OGDH: variants seen among roughly 807,000 people sequenced by gnomAD.
OGDH encodes oxoglutarate dehydrogenase, also known as 2-oxoglutarate dehydrogenase complex component E1.
A neutral mutation model predicts 116.6 loss-of-function variants in OGDH; 38 were observed. That is an observed-to-expected ratio of 0.33 (90% CI 0.25 to 0.43). OGDH has a LOEUF of 0.43. OGDH is among the 20% of genes least tolerant of loss of function. The pLI, the probability that OGDH is intolerant of heterozygous loss-of-function variation, is 1.00. For missense variants in OGDH, 825 were observed against 1,357.2 expected (o/e 0.61, Z 6.16); for synonymous variants, 488 against 533.3 (o/e 0.92, Z 1.17).
At chr7:44,688,770 C>T (rs1425037321) in intron 10 of OGDH, among the ~76,000 whole-genome samples, 1 of 151,848 alleles carries the variant, frequency 6.6e-6, no homozygotes, top group Admixed American at 6.6e-5. Context: ...TTTTGTGCCA[C>T]CTACTCTCCT....
At chr7:44,619,613 A>G (rs971321735) in intron 1 of OGDH, among the ~76,000 whole-genome samples, 1 of 152,200 alleles carries the variant, frequency 6.6e-6, no homozygotes, top group African/African-American at 2.4e-5. Flanking sequence ...CTATAGATAT[A>G]ACACGTTTTG....
At chr7:44,629,597 T>TTTTTTC (rs1785348561) in intron 2 of OGDH, among the ~76,000 whole-genome samples, 2 of 142,128 alleles carry the variant, frequency 1.4e-5, no homozygotes, top group African/African-American at 5.1e-5. Context: ...TTTTTTTTTT[T>TTTTTTC]TGAGACGAGT....
intron 1 of OGDH, among the ~76,000 whole-genome samples, chr7:44,615,297 G>C (rs189353161): frequency 6.6e-5 from 10 of 152,120 alleles, no homozygotes; most frequent in South Asian, 2.1e-4. Context: ...TGCGGTGTCT[G>C]GGGGGAGGGA....
intron 4 of OGDH, among the ~76,000 whole-genome samples, chr7:44,657,963 T>C (rs1439940385): frequency 1.3e-5 from 2 of 152,244 alleles, no homozygotes; most frequent in African/African-American, 4.8e-5. Flanking sequence ...TTGGTGTGGG[T>C]CTATATCTGG....
At chr7:44,654,019 T>C (rs551013804) in intron 4 of OGDH, among the ~76,000 whole-genome samples, 2 of 152,252 alleles carry the variant, frequency 1.3e-5, no homozygotes, top group Admixed American at 1.3e-4. Flanking sequence ...TATGCCTGGT[T>C]AATTTTTGTA....
intron 4 of OGDH, among the ~76,000 whole-genome samples, chr7:44,662,337 C>T (rs1786980814): frequency 6.6e-6 from 1 of 152,056 alleles, no homozygotes; most frequent in African/African-American, 2.4e-5. Flanking sequence ...GCCTGGGAAC[C>T]TCTATTTCTC....
chr7:44,650,446 C>T (rs1362239284), intron 4 of OGDH, among the ~76,000 whole-genome samples: 1 of 152,182 alleles, frequency 6.6e-6, no homozygotes, highest in Non-Finnish European at 1.5e-5. Flanking sequence ...ATCTGTAAGG[C>T]AGGGGTGATG....
chr7:44,659,154 TGTAGATGATTTAATGCTAATGTCGTG>T (rs990039939), intron 4 of OGDH, among the ~76,000 whole-genome samples: 35 of 152,276 alleles, frequency 2.3e-4, no homozygotes, highest in African/African-American at 4.8e-5. Context: ...TATTCTTTAA[TGTAGATGATTTAATGCTAATGTCGTG>T]GTAGACGATT....
intron 1 of OGDH, among the ~76,000 whole-genome samples, chr7:44,617,646 T>A (rs1008453149): frequency 6.6e-6 from 1 of 152,184 alleles, no homozygotes; most frequent in African/African-American, 2.4e-5. Context: ...CAAAAATAAT[T>A]GCAGGCATGA....
chr7:44,651,462 T>G (rs1278732885), intron 4 of OGDH, among the ~76,000 whole-genome samples: 1 of 152,202 alleles, frequency 6.6e-6, no homozygotes, highest in Non-Finnish European at 1.5e-5. Flanking sequence ...TCAGATGTTA[T>G]GGACACACTC....
At chr7:44,629,580 C>CTT (rs71701992) in intron 2 of OGDH, among the ~76,000 whole-genome samples, 22 of 59,984 alleles carry the variant, frequency 3.7e-4, no homozygotes, top group Admixed American at 7.3e-4. Context: ...TTTTTCTTTT[C>CTT]TTTTTTTTTT....
At chr7:44,627,343 C>G (rs1785248012) in intron 2 of OGDH, among the ~76,000 whole-genome samples, 1 of 152,234 alleles carries the variant, frequency 6.6e-6, no homozygotes, top group South Asian at 2.1e-4. Context: ...GTCCAAATTT[C>G]AAAGCATCTG....
intron 2 of OGDH, among the ~76,000 whole-genome samples, chr7:44,636,456 A>G (rs1020300177): frequency 2.0e-5 from 3 of 152,216 alleles, no homozygotes; most frequent in Non-Finnish European, 4.4e-5. Flanking sequence ...GGCACCTGCT[A>G]AGGTCAGCGC....
intron 2 of OGDH, among the ~76,000 whole-genome samples, chr7:44,640,387 C>T (rs1785876362): frequency 6.6e-6 from 1 of 152,078 alleles, no homozygotes; most frequent in African/African-American, 2.4e-5. Flanking sequence ...TGGAAAAGCC[C>T]ACAGAGAGCC....
Position 44,700,309 on chromosome 7 carries a change from C to G in OGDH, c.2559+40C>G, listed in dbSNP as rs142889447. ...CTCCCTTGCTCAAACGAGGCCTGGC[C>G]CTGCCCTGTTGGTGCAGGGAAGGGC... On this transcript the variant is annotated intron_variant, in intron 19 of 22. Coordinates refer to ENST00000222673, the MANE Select transcript of OGDH (RefSeq NM_002541.4). 138 of 1,610,518 alleles carry G rather than the reference C, an allele frequency of 8.6e-5. 1 individual carries two copies. The Middle Eastern group carries it at 1.3e-3, about 15-fold the overall frequency.
Position 44,696,430 on chromosome 7 carries a change from C to T in OGDH, c.1773C>T (p.Gly591=). ...IKHWLDSPWP[G]FFTLDGQPRS... Reference sequence around the variant, plus strand: ...CCTCAGTTGTTCTTCTTCTCCTAGGCTTCTTCACCCTGGACGGGCAGCCCA... The same window carrying T: ...CCTCAGTTGTTCTTCTTCTCCTAGGTTTCTTCACCCTGGACGGGCAGCCCA... The change falls in exon 14 of 23, where the codon GGC becomes GGT. Residue 591 remains glycine (G), a splice_region_variant and synonymous_variant. Coordinates refer to ENST00000222673, the MANE Select transcript of OGDH (RefSeq NM_002541.4). The T allele has an allele frequency of 6.2e-7, 1 of 1,612,210 alleles. No individual in the cohort carries two copies. Among genetic ancestry groups the T allele is most frequent in the Non-Finnish European group, 8.5e-7 (1 of 1,179,362 alleles).
In OGDH at chr7:44,694,568, G is replaced by C; in HGVS notation, c.1660G>C (p.Glu554Gln). The change falls in exon 12 of 23, where the codon GAG becomes CAG. Residue 554 changes from glutamate (E) to glutamine (Q), a missense_variant. This residue lies in a region of OGDH where 146 missense variants were observed against 317.3 expected (regional missense o/e 0.46). Transcript: ENST00000222673. The surrounding 1 kb of genome is among the most constrained non-coding windows in gnomAD (Gnocchi z 4.2). ...GTCGCAGGGTGTGGTCAACCAGCCTGAGTATGAGGTACGTCCCTGCGGCTC... is the reference window on the plus strand; with the variant it reads ...GTCGCAGGGTGTGGTCAACCAGCCTCAGTATGAGGTACGTCCCTGCGGCTC... The part of the protein sequence containing the change: ...LVSQGVVNQP[E>Q]YEEEISKYDK... The C allele has an allele frequency of 6.2e-7, 1 of 1,614,134 alleles. No homozygotes were observed. Among genetic ancestry groups the C allele is most frequent in the Non-Finnish European group, 8.5e-7 (1 of 1,180,024 alleles).
intron 8 of OGDH, 88 bp downstream of exon 8, chr7:44,675,356 G>A: frequency 9.2e-7 from 1 of 1,083,792 alleles, no homozygotes; most frequent in Admixed American, 2.0e-5. Context: ...TGACTTACGG[G>A]GGGTTGGTTC....
At chr7:44,696,777 C>T (rs1011772118) in intron 14 of OGDH, 137 bp from the exon 15 acceptor site, 4 of 1,261,560 alleles carry the variant, frequency 3.2e-6, no homozygotes, top group South Asian at 3.1e-5. Context: ...AGACTGAGGT[C>T]ACAGCTTTTC....
Sources: allele counts gnomAD v4.1 joint callset (sites outside exome capture counted in the v4.1 genomes callset), GRCh38; gene constraint gnomAD v4.1.1; regional missense constraint gnomAD v4.1.1; non-coding constraint Gnocchi (gnomAD v3.1); transcripts MANE v1.5; gene names NCBI Gene and HGNC (gene_info 2026-07-23, HGNC 2026-07-21).